Variants in RPS16 observed in about 807,000 individuals in gnomAD.
RPS16 encodes ribosomal protein S16.
Under a neutral mutation model 20.1 loss-of-function variants are expected in RPS16, and 2 were observed. That is an observed-to-expected ratio of 0.10 (90% CI 0.04 to 0.31). The LOEUF (loss-of-function observed/expected upper bound fraction) is 0.31, where lower values mean the gene tolerates loss of function less well. Among genes scored for constraint, RPS16 ranks in the 10% least tolerant of loss-of-function variants. The probability of loss-of-function intolerance (pLI) is 1.00; values close to 1 mark genes in which losing one functional copy is unlikely to be tolerated. For missense variants in RPS16, 129 were observed against 198.6 expected (o/e 0.65, Z 2.11); for synonymous variants, 95 against 76.1 (o/e 1.25, Z -1.29).
chr19:39,435,542 G>A, intron 2 of RPS16, 65 bp downstream of exon 2: 2 of 1,378,898 alleles, frequency 1.5e-6, no homozygotes, highest in Non-Finnish European at 2.0e-6. Context: ...CAGCTTTCAA[G>A]AGCTACAACA....
chr19:39,435,721 A>G lies in RPS16; in HGVS notation c.49-13T>C. The G allele has an allele frequency of 1.9e-6, 3 of 1,612,918 alleles. No homozygotes were observed. The highest frequency in any genetic ancestry group is 2.5e-6 in the Non-Finnish European group (3 of 1,179,738). Reference sequence around the variant, plus strand: ...CTGTCGCTGTCTTCTGTAAGATACAAGAGAAACAGGGGCCCCGTGAGCTCC... The same window carrying G: ...CTGTCGCTGTCTTCTGTAAGATACAGGAGAAACAGGGGCCCCGTGAGCTCC... On this transcript the variant is annotated splice_polypyrimidine_tract_variant and intron_variant, in intron 1 of 4. Coordinates refer to ENST00000251453, the MANE Select transcript of RPS16 (RefSeq NM_001020.6).
chr19:39,434,049 C>CT (rs2078846101), intron 2 of RPS16: 3 of 421,644 alleles, frequency 7.1e-6, no homozygotes, highest in South Asian at 6.7e-5. Context: ...CACCCTACCT[C>CT]TAAGACTGGT....
rs747442507 is a variant in RPS16, at chr19:39,433,366, G to A, written c.348C>T (p.Asp116=). ...KEIKDILIQY[D]RTLLVADPRR... ...GAGGGTCAGCTACCAGCAGGGTCCGGTCATACTGGATGAGGATGTCTTTGA... is the reference window on the plus strand; with the variant it reads ...GAGGGTCAGCTACCAGCAGGGTCCGATCATACTGGATGAGGATGTCTTTGA... Residue 116 remains aspartate, a synonymous_variant, in exon 5 of 5, where the codon GAC becomes GAT. Transcript: ENST00000251453. 8 of 1,613,996 alleles carry A rather than the reference G, an allele frequency of 5.0e-6. No individual in the cohort carries two copies. Among genetic ancestry groups the A allele is most frequent in the African/African-American group, 2.7e-5 (2 of 74,908 alleles).
chr19:39,435,391 T>A, intron 2 of RPS16: 1 of 550,154 alleles, frequency 1.8e-6, no homozygotes. Context: ...ATCCCAGTTC[T>A]CAAAGCAAAC....
intron 2 of RPS16, 161 bp downstream of exon 2, chr19:39,435,446 C>T (rs1405467768): frequency 6.6e-6 from 4 of 608,154 alleles, no homozygotes; most frequent in Non-Finnish European, 5.8e-6. Flanking sequence ...ATCTTCTGAA[C>T]CCCAAGCCCA....
At position 39,435,471 on chromosome 19, in the gene RPS16, T is replaced by G. The variant is rs769566305; in HGVS notation, c.150+136A>C. On this transcript the variant is annotated intron_variant, in intron 2 of 4. Coordinates refer to ENST00000251453, the MANE Select transcript of RPS16 (RefSeq NM_001020.6). ...CCCCAAGCCCAGCTCTATTGCCAAA[T>G]ACCCCACTGTTCTACACCCAACACA... 69 of 652,488 alleles carry G rather than the reference T, an allele frequency of 1.1e-4. 1 individual carries two copies. The highest frequency in any genetic ancestry group is 1.8e-4 in the Non-Finnish European group (67 of 380,244). The allele number at this position is 652,488 out of a possible 1,614,324, so 40.4% of individuals were successfully genotyped here.
chr19:39,434,881 T>C (rs1265446578), intron 2 of RPS16: 1 of 152,220 alleles, frequency 6.6e-6, no homozygotes, highest in African/African-American at 2.4e-5. Flanking sequence ...ATTCTTTCTT[T>C]TAAAAGTAGT....
At position 39,433,646 on chromosome 19, in the gene RPS16, C is replaced by A. The variant is rs755300509; in HGVS notation, c.247+19G>T. 2 of 1,614,250 alleles carry A rather than the reference C, an allele frequency of 1.2e-6. No individual in the cohort carries two copies. Among genetic ancestry groups the A allele is most frequent in the Non-Finnish European group, 1.7e-6 (2 of 1,180,044 alleles). The stretch of plus-strand genomic sequence containing the variant: ...CTCCCAGAGCCACCTCCTCCATGCG[C>A]CCAGTTCCTGGGACTCACCATAAAT... On this transcript the variant is annotated intron_variant, in intron 3 of 4. Coordinates refer to ENST00000251453, the MANE Select transcript of RPS16 (RefSeq NM_001020.6).
In RPS16 at chr19:39,433,587, A is replaced by C. The variant is rs1403740205; in HGVS notation, c.248-18T>G. On this transcript the variant is annotated intron_variant, in intron 3 of 4. Coordinates refer to ENST00000251453, the MANE Select transcript of RPS16 (RefSeq NM_001020.6). ...ACGGATAGCTGTGAGAAAGACACAC[A>C]ATTAAAGGGTACAGGAGCGCTGTGA... 2 of 1,614,138 alleles carry C rather than the reference A, an allele frequency of 1.2e-6. No individual in the cohort carries two copies. The highest frequency in any genetic ancestry group is 2.2e-5 in the East Asian group (1 of 44,888).
intron 1 of RPS16, 41 bp from the exon 2 acceptor site, chr19:39,435,749 C>T (rs762055894): frequency 6.2e-7 from 1 of 1,608,370 alleles, no homozygotes; most frequent in Admixed American, 1.7e-5. Context: ...TGAGCTCCGG[C>T]TCCAGCTCCC....
chr19:39,433,977 G>A (rs776551694), intron 2 of RPS16: 17 of 547,394 alleles, frequency 3.1e-5, no homozygotes, highest in Non-Finnish European at 2.6e-5. Context: ...AAGAAATATA[G>A]GCAAGGTAAA....
At position 39,433,586 on chromosome 19, in the gene RPS16, C is replaced by T. The variant is rs2078842410; in HGVS notation, c.248-17G>A. The stretch of plus-strand genomic sequence containing the variant: ...GACGGATAGCTGTGAGAAAGACACA[C>T]AATTAAAGGGTACAGGAGCGCTGTG... On this transcript the variant is annotated splice_polypyrimidine_tract_variant and intron_variant, in intron 3 of 4. Transcript: ENST00000251453. 2 of 1,614,106 alleles carry T rather than the reference C, an allele frequency of 1.2e-6. No individual in the cohort carries two copies. The highest frequency in any genetic ancestry group is 1.7e-6 in the Non-Finnish European group (2 of 1,180,058).
rs912918370 is a variant in RPS16 at position 39,433,282 on chromosome 19, G to T, written c.432C>A (p.Ser144=). 3 of 1,612,796 alleles carry T rather than the reference G, an allele frequency of 1.9e-6. No homozygotes were observed. In the South Asian group the frequency reaches 3.3e-5, roughly 18 times the overall value. The change falls in exon 5 of 5, where the codon TCC becomes TCA. Residue 144 remains serine, a synonymous_variant. Transcript: ENST00000251453. ...GPGARARYQK[S]YR is the part of the protein sequence containing the mutation. ...TTGAGTCACGATGGGCTTATCGGTA[G>T]GATTTCTGGTAGCGAGCGCGGGCAC...
At position 39,433,194 on chromosome 19, in the gene RPS16, A is replaced by G; in HGVS notation, c.*79T>C. 7.0e-7 allele frequency: 1 copy of G among 1,430,374 alleles called. No individual in the cohort carries two copies. Among genetic ancestry groups the G allele is most frequent in the Non-Finnish European group, 9.7e-7 (1 of 1,027,260 alleles). 88.6% of individuals were successfully genotyped at this position (1,430,374 alleles called of 1,614,324 possible). ...GTTAAACATCCAATACCAACACATA[A>G]GGCCACACACAGTTCTTGAAACTTT... On this transcript the variant is annotated 3_prime_UTR_variant, in exon 5 of 5. Transcript: ENST00000251453.
chr19:39,435,747 G>GGCTCCA, intron 1 of RPS16, 39 bp from the exon 2 acceptor site: 1 of 1,608,046 alleles, frequency 6.2e-7, no homozygotes. Context: ...CGTGAGCTCC[G>GGCTCCA]GCTCCAGCTC....
Position 39,433,421 on chromosome 19 carries a change from G to A in RPS16, c.296-3C>T. ...CTTCTTGGAAGCCTCATCCACATCT[G>A]GCAAGAAGAGCAGGGACGAGGATTT... On this transcript the variant is annotated splice_region_variant and splice_polypyrimidine_tract_variant and intron_variant, in intron 4 of 4. Coordinates refer to ENST00000251453, the MANE Select transcript of RPS16 (RefSeq NM_001020.6). 1.2e-6 allele frequency: 2 copies of A among 1,614,040 alleles called. No individual in the cohort carries two copies. Among genetic ancestry groups the A allele is most frequent in the Non-Finnish European group, 1.7e-6 (2 of 1,179,950 alleles).
At chr19:39,433,640 C>T (rs1458194016) in intron 3 of RPS16, 25 bp downstream of exon 3, 4 of 1,614,128 alleles carry the variant, frequency 2.5e-6, no homozygotes, top group Admixed American at 1.7e-5. Flanking sequence ...CCACCTCCTC[C>T]ATGCGCCCAG....
intron 2 of RPS16, 122 bp downstream of exon 2, chr19:39,435,485 A>C: frequency 2.7e-6 from 2 of 739,314 alleles, no homozygotes. Context: ...CCACTGTTCT[A>C]CACCCAACAC....
intron 2 of RPS16, chr19:39,434,061 C>A (rs532268706): frequency 2.5e-6 from 1 of 396,820 alleles, no homozygotes; most frequent in African/African-American, 2.0e-5. Context: ...AAGACTGGTT[C>A]TTAGAAGGCT....
Sources: allele counts gnomAD v4.1 joint callset, GRCh38; gene constraint gnomAD v4.1.1; transcripts MANE v1.5; gene names NCBI Gene and HGNC (gene_info 2026-07-23, HGNC 2026-07-21).